The following TRABD2B variants were observed in gnomAD, a reference collection of about 807,000 sequenced individuals.
The protein encoded by TRABD2B is TraB domain containing 2B.
TRABD2B carries 14 observed loss-of-function variants against 40.1 expected under a neutral mutation model. The observed-to-expected ratio is 0.35, with a 90% CI of 0.23 to 0.55. The LOEUF is 0.55. Ranked by LOEUF, TRABD2B falls within the 20% of genes least tolerant of loss-of-function variation. The pLI is 0.90. For synonymous variants in TRABD2B, 263 were observed against 277.0 expected (o/e 0.95, Z 0.50); for missense variants, 541 against 648.6 (o/e 0.83, Z 1.80).
intron 2 of TRABD2B, among the ~76,000 whole-genome samples, chr1:47,977,612 G>A (rs1307276427): frequency 6.7e-6 from 1 of 149,974 alleles, no homozygotes. Context: ...AGAAAAATCA[G>A]AACCCCAAAT....
chr1:47,794,787 TC>T, intron 3 of TRABD2B, 27 bp from the exon 4 acceptor site: 1 of 1,383,920 alleles, frequency 7.2e-7, no homozygotes, highest in Non-Finnish European at 9.4e-7. Context: ...GAGGCTGCCT[TC>T]AGTTTTTTTT....
rs535420206 is a variant in TRABD2B, at chr1:47,886,702, A to G, written c.667-85083T>C. On this transcript the variant is annotated intron_variant, in intron 2 of 6. Coordinates refer to ENST00000606738, the MANE Select transcript of TRABD2B (RefSeq NM_001194986.2). ...TTCAGAAATAACAACAAAAAATATT[A>G]TGTTTACTCACTGCCAGGCCCTGTG... Among the ~76,000 whole-genome samples, 13 of 152,328 alleles carry G rather than the reference A, an allele frequency of 8.5e-5. No individual in the cohort carries two copies. In the South Asian group the frequency reaches 2.7e-3, roughly 32 times the overall value.
intron 2 of TRABD2B, among the ~76,000 whole-genome samples, chr1:47,825,867 T>G (rs140710854): frequency 6.2e-4 from 94 of 152,224 alleles, no homozygotes; most frequent in African/African-American, 2.1e-3. Context: ...GAGCCTGGGT[T>G]CATGTTCTGC....
intron 2 of TRABD2B, among the ~76,000 whole-genome samples, chr1:47,853,324 T>C (rs1420573404): frequency 2.6e-5 from 4 of 152,146 alleles, no homozygotes; most frequent in Admixed American, 2.6e-4. Context: ...GCAAGATCAA[T>C]ATTTGCTGGT....
chr1:47,863,361 C>G (rs940050128), intron 2 of TRABD2B, among the ~76,000 whole-genome samples: 3 of 36,688 alleles, frequency 8.2e-5, no homozygotes, highest in Non-Finnish European at 1.2e-4. Context: ...TTGGATATAT[C>G]CTATATAATT....
intron 2 of TRABD2B, among the ~76,000 whole-genome samples, chr1:47,942,015 G>A (rs538896081): frequency 1.3e-5 from 2 of 152,310 alleles, no homozygotes; most frequent in South Asian, 4.1e-4. Context: ...TTTGCCTGGT[G>A]CAACACAGGA....
chr1:47,952,137 G>A (rs1031179509), intron 2 of TRABD2B, among the ~76,000 whole-genome samples: 2 of 152,216 alleles, frequency 1.3e-5, no homozygotes, highest in African/African-American at 4.8e-5. Context: ...AAAGGAGCCA[G>A]GCATTATGCC....
At chr1:47,990,833 A>G (rs1318653749) in intron 2 of TRABD2B, among the ~76,000 whole-genome samples, 27 of 91,850 alleles carry the variant, frequency 2.9e-4, no homozygotes, top group Non-Finnish European at 5.3e-4. Context: ...ATATATATAT[A>G]TAAAACGTTG....
intron 2 of TRABD2B, among the ~76,000 whole-genome samples, chr1:47,914,049 A>G (rs1162799407): frequency 2.6e-5 from 4 of 152,118 alleles, no homozygotes; most frequent in Non-Finnish European, 4.4e-5. Context: ...GGAACTGCTC[A>G]CTCTGTCGCA....
chr1:47,853,180 C>G (rs909171120), intron 2 of TRABD2B, among the ~76,000 whole-genome samples: 1 of 152,190 alleles, frequency 6.6e-6, no homozygotes, highest in African/African-American at 2.4e-5. Context: ...GATGGTCAAG[C>G]TGGGGAATGT....
At chr1:47,789,918 G>A (rs1215189364) in intron 4 of TRABD2B, among the ~76,000 whole-genome samples, 1 of 150,584 alleles carries the variant, frequency 6.6e-6, no homozygotes, top group Non-Finnish European at 1.5e-5. Context: ...CATATTTCAA[G>A]CATGCTCAAT....
intron 2 of TRABD2B, among the ~76,000 whole-genome samples, chr1:47,982,719 A>G (rs983132188): frequency 6.6e-5 from 10 of 152,202 alleles, no homozygotes; most frequent in African/African-American, 2.2e-4. Context: ...GGAAGAATAA[A>G]GCCAGTGGAG....
At chr1:47,832,491 G>A (rs1451922709) in intron 2 of TRABD2B, among the ~76,000 whole-genome samples, 1 of 152,118 alleles carries the variant, frequency 6.6e-6, no homozygotes, top group Non-Finnish European at 1.5e-5. Context: ...GGACTAGCAG[G>A]GGCTTAGCAA....
chr1:47,952,470 T>A lies in TRABD2B; in HGVS notation c.666+41564A>T, dbSNP rs1409480529. Among the ~76,000 whole-genome samples the A allele has an allele frequency of 2.6e-5, 4 of 152,306 alleles. No homozygotes were observed. In the East Asian group the frequency reaches 5.8e-4, roughly 22 times the overall value. On this transcript the variant is annotated intron_variant, in intron 2 of 6. Transcript: ENST00000606738. The stretch of plus-strand genomic sequence containing the variant: ...CCCACAATGGCCACAAACAGAAGAA[T>A]GCCAGGCTACTTCAGGCCTCCAGTC...
chr1:47,931,629 A>G (rs1645041268), intron 2 of TRABD2B, among the ~76,000 whole-genome samples: 3 of 152,268 alleles, frequency 2.0e-5, no homozygotes, highest in South Asian at 4.2e-4. Flanking sequence ...GGGGAGGGCA[A>G]GTATCGCAGC....
At chr1:47,800,401 C>T (rs912981942) in intron 3 of TRABD2B, among the ~76,000 whole-genome samples, 6 of 152,094 alleles carry the variant, frequency 3.9e-5, no homozygotes, top group African/African-American at 7.2e-5. Context: ...GAGAGGCATT[C>T]GGCAGAGGGA....
intron 2 of TRABD2B, among the ~76,000 whole-genome samples, chr1:47,980,913 C>A (rs1645831703): frequency 6.6e-6 from 1 of 152,252 alleles, no homozygotes; most frequent in South Asian, 2.1e-4. Context: ...ACCTCCTGGC[C>A]TCTTACCTTT....
At chr1:47,800,170 A>G (rs1335722481) in intron 3 of TRABD2B, among the ~76,000 whole-genome samples, 1 of 152,134 alleles carries the variant, frequency 6.6e-6, no homozygotes. Context: ...AGGGAGAGCA[A>G]CCAATAAACA....
intron 2 of TRABD2B, among the ~76,000 whole-genome samples, chr1:47,821,408 TGGTAGG>T (rs1209279801): frequency 1.3e-5 from 2 of 152,188 alleles, no homozygotes; most frequent in Non-Finnish European, 2.9e-5. Flanking sequence ...GTTTGAGGAA[TGGTAGG>T]GGCCCACAGG....
Sources: gnomAD v4.1 joint callset for allele counts (sites outside exome capture counted in the v4.1 genomes callset) on GRCh38, gnomAD v4.1.1 for gene constraint, MANE v1.5 for transcripts, NCBI Gene and HGNC (gene_info 2026-07-23, HGNC 2026-07-21) for gene names.